SGCZ: variants seen among roughly 807,000 people sequenced by gnomAD.
The protein encoded by SGCZ is sarcoglycan zeta.
SGCZ carries 40 observed loss-of-function variants against 41.3 expected under a neutral mutation model. That is an observed-to-expected ratio of 0.97 (90% CI 0.75 to 1.26). The LOEUF (loss-of-function observed/expected upper bound fraction) is 1.26. Among genes scored for constraint, SGCZ ranks in the 50% most tolerant of loss-of-function variants. SGCZ has a pLI of 0.00. For missense variants in SGCZ, 552 were observed against 369.8 expected, an observed-to-expected ratio of 1.49 and a Z score of -4.04; for synonymous variants, 206 against 137.5, an observed-to-expected ratio of 1.50 and a Z score of -3.49.
At chr8:14,681,754 G>A (rs1808452511) in intron 1 of SGCZ, among the ~76,000 whole-genome samples, 1 of 152,046 alleles carries the variant, frequency 6.6e-6, no homozygotes, top group South Asian at 2.1e-4. Flanking sequence ...TCTTCTTGGT[G>A]AATGAATATC....
At chr8:15,011,832 T>C (rs1349505901) in intron 1 of SGCZ, among the ~76,000 whole-genome samples, 1 of 152,214 alleles carries the variant, frequency 6.6e-6, no homozygotes, top group East Asian at 1.9e-4. Flanking sequence ...CAAAATTAAT[T>C]ATATTGATGG....
At chr8:14,506,415 C>T (rs935247076) in intron 2 of SGCZ, among the ~76,000 whole-genome samples, 2 of 152,026 alleles carry the variant, frequency 1.3e-5, no homozygotes, top group Non-Finnish European at 2.9e-5. Flanking sequence ...TCATCATTTC[C>T]CCTCTCTACG....
intron 1 of SGCZ, among the ~76,000 whole-genome samples, chr8:14,732,796 T>C (rs1798905321): frequency 6.6e-6 from 1 of 152,106 alleles, no homozygotes; most frequent in Non-Finnish European, 1.5e-5. Flanking sequence ...CGCTTGAAAC[T>C]GCAATTATCT....
intron 1 of SGCZ, among the ~76,000 whole-genome samples, chr8:14,932,207 A>G (rs1799940967): frequency 6.6e-6 from 1 of 152,114 alleles, no homozygotes; most frequent in Non-Finnish European, 1.5e-5. Flanking sequence ...AAAATTAAAC[A>G]TATGTTAACA....
chr8:14,205,318 G>C (rs1264505654), intron 4 of SGCZ, among the ~76,000 whole-genome samples: 3 of 152,016 alleles, frequency 2.0e-5, no homozygotes, highest in Non-Finnish European at 4.4e-5. Flanking sequence ...TAGGGTTTTT[G>C]TGTATTGTCA....
At chr8:15,213,110 C>T (rs1040583427) in intron 1 of SGCZ, among the ~76,000 whole-genome samples, 11 of 151,986 alleles carry the variant, frequency 7.2e-5, no homozygotes, top group African/African-American at 2.7e-4. Flanking sequence ...AAAACAGATT[C>T]TGTCAGACAA....
intron 1 of SGCZ, among the ~76,000 whole-genome samples, chr8:14,744,568 G>T (rs1363049380): frequency 1.3e-5 from 2 of 152,062 alleles, no homozygotes; most frequent in Non-Finnish European, 2.9e-5. Flanking sequence ...AAGGCTTGTT[G>T]GATGGAGAAA....
intron 1 of SGCZ, among the ~76,000 whole-genome samples, chr8:15,053,751 T>C (rs1221102039): frequency 6.6e-6 from 1 of 152,192 alleles, no homozygotes; most frequent in Non-Finnish European, 1.5e-5. Flanking sequence ...CTCTTGTCAA[T>C]GATATTTACC....
intron 1 of SGCZ, among the ~76,000 whole-genome samples, chr8:14,637,433 G>C (rs1301229013): frequency 6.6e-6 from 1 of 151,602 alleles, no homozygotes; most frequent in Non-Finnish European, 1.5e-5. Flanking sequence ...AATGAACATA[G>C]TACAGAATAG....
chr8:15,002,161 T>C (rs754032903), intron 1 of SGCZ, among the ~76,000 whole-genome samples: 8 of 151,420 alleles, frequency 5.3e-5, no homozygotes, highest in Non-Finnish European at 8.8e-5. Context: ...ATAAATATTA[T>C]TGACAATGCT....
intron 1 of SGCZ, among the ~76,000 whole-genome samples, chr8:15,025,192 A>G (rs537138850): frequency 3.9e-5 from 6 of 152,230 alleles, no homozygotes; most frequent in African/African-American, 1.4e-4. Context: ...GAACAGTATA[A>G]GCATTTGAAC....
Position 14,660,589 on chromosome 8 carries a change from A to AG in SGCZ, c.40-105664_40-105663insC, listed in dbSNP as rs1554475183. On this transcript the variant is annotated intron_variant, in intron 1 of 7. Transcript: ENST00000382080. ...TCCATCTCAAAAAAAAAAAAAAAAA[A>AG]AGAGAGAAAAGAAAAATAGCTGCAG... is the stretch of plus-strand genomic sequence containing the variant. 3.3e-5 allele frequency among the ~76,000 whole-genome samples: 5 copies of AG among 151,104 alleles called. No individual in the cohort carries two copies. The East Asian group carries it at 7.8e-4, about 24-fold the overall frequency.
intron 4 of SGCZ, among the ~76,000 whole-genome samples, chr8:14,178,894 T>C (rs1804634855): frequency 6.6e-6 from 1 of 152,184 alleles, no homozygotes; most frequent in Non-Finnish European, 1.5e-5. Context: ...TCATTTCCAA[T>C]GTAAAAAGGG....
At chr8:15,177,172 T>G (rs1008450384) in intron 1 of SGCZ, among the ~76,000 whole-genome samples, 1 of 152,184 alleles carries the variant, frequency 6.6e-6, no homozygotes, top group African/African-American at 2.4e-5. Flanking sequence ...TCAGCCATAG[T>G]TGAAATCAAA....
At chr8:15,035,591 G>A (rs11994889) in intron 1 of SGCZ, among the ~76,000 whole-genome samples, 81,021 of 151,852 alleles carry the variant, frequency 0.53, 22,751 homozygotes, top group Non-Finnish European at 0.62. Flanking sequence ...CGAACAATAT[G>A]CTGCCTACCA....
At chr8:14,350,681 T>C (rs1052549365) in intron 2 of SGCZ, among the ~76,000 whole-genome samples, 5 of 152,018 alleles carry the variant, frequency 3.3e-5, no homozygotes, top group Non-Finnish European at 7.4e-5. Flanking sequence ...CTTTGTGGAA[T>C]TGCATGACAG....
intron 1 of SGCZ, among the ~76,000 whole-genome samples, chr8:15,170,357 C>T (rs1160312530): frequency 6.6e-6 from 1 of 152,128 alleles, no homozygotes; most frequent in Non-Finnish European, 1.5e-5. Context: ...TCCTCTTCCC[C>T]AAAGATATAA....
intron 5 of SGCZ, among the ~76,000 whole-genome samples, chr8:14,153,129 G>T (rs1803760515): frequency 6.6e-6 from 1 of 152,094 alleles, no homozygotes; most frequent in Non-Finnish European, 1.5e-5. Flanking sequence ...GTTGTAATAT[G>T]GTATTACAGT....
chr8:14,886,743 G>A (rs762176645), intron 1 of SGCZ, among the ~76,000 whole-genome samples: 7 of 152,194 alleles, frequency 4.6e-5, no homozygotes, highest in African/African-American at 9.6e-5. Flanking sequence ...TAAATGAGAC[G>A]GGAAAATCAC....
Sources: allele counts gnomAD v4.1 joint callset (sites outside exome capture counted in the v4.1 genomes callset), GRCh38; gene constraint gnomAD v4.1.1; transcripts MANE v1.5; gene names NCBI Gene and HGNC (gene_info 2026-07-23, HGNC 2026-07-21).